Variants in PRPF18 observed in about 807,000 individuals in gnomAD.
The protein encoded by PRPF18 is pre-mRNA-splicing factor 18.
In PRPF18, 38 loss-of-function variants were observed where a neutral mutation model predicts 46.5. That is an observed-to-expected ratio of 0.82 (90% confidence interval 0.63 to 1.07). The LOEUF (loss-of-function observed/expected upper bound fraction) is 1.07. Ranked by LOEUF, PRPF18 falls within the 50% of genes least tolerant of loss-of-function variation. The pLI is 0.00. For missense variants in PRPF18, 263 were observed against 410.0 expected, an observed-to-expected ratio of 0.64 and a Z score of 3.10; for synonymous variants, 152 against 146.7, an observed-to-expected ratio of 1.04 and a Z score of -0.26.
At chr10:13,618,592 C>T (rs1045826012) in intron 9 of PRPF18, among the ~76,000 whole-genome samples, 4 of 118,558 alleles carry the variant, frequency 3.4e-5, no homozygotes, top group African/African-American at 9.8e-5. Flanking sequence ...CATCACTGCA[C>T]TTCAGACAGA....
chr10:13,644,483 A>G, the PRPF18 span: 1 of 152,188 alleles, frequency 6.6e-6, no homozygotes, highest in East Asian at 1.9e-4. Context: ...CCAGACTATC[A>G]TGATGTTTGT....
intron 1 of PRPF18, chr10:13,592,019 G>T (rs1354308695): frequency 1.6e-5 from 11 of 680,796 alleles, no homozygotes; most frequent in Non-Finnish European, 2.5e-5. Flanking sequence ...TAACCACCTG[G>T]GTACTACCAT....
intron 1 of PRPF18, among the ~76,000 whole-genome samples, chr10:13,595,416 C>G (rs2080019732): frequency 6.6e-6 from 1 of 151,916 alleles, no homozygotes; most frequent in South Asian, 2.1e-4. Context: ...ACAGCCCTTT[C>G]TGAGAGGATA....
chr10:13,611,881 CTTTT>C (rs376808326), intron 6 of PRPF18, among the ~76,000 whole-genome samples, 198 bp downstream of exon 6: 1 of 139,918 alleles, frequency 7.1e-6, no homozygotes, highest in Admixed American at 7.1e-5. Context: ...TTTCTTGTGG[CTTTT>C]TTTTTTTTTT....
intron 8 of PRPF18, among the ~76,000 whole-genome samples, chr10:13,615,803 G>A (rs920449764): frequency 6.6e-6 from 1 of 152,070 alleles, no homozygotes; most frequent in African/African-American, 2.4e-5. Flanking sequence ...GTAGGGGGTG[G>A]GGTGGGGGGC....
chr10:13,619,375 T>G (rs562799056), intron 9 of PRPF18, among the ~76,000 whole-genome samples: 1 of 152,352 alleles, frequency 6.6e-6, no homozygotes, highest in South Asian at 2.1e-4. Flanking sequence ...CACAAGAAGT[T>G]GCAAAAAATA....
At chr10:13,654,190 C>A in the PRPF18 span, 13 of 580,628 alleles carry the variant, frequency 2.2e-5, no homozygotes, top group African/African-American at 2.1e-4. Flanking sequence ...CAAGGACCAC[C>A]GCCTACTTTA....
At chr10:13,622,970 G>A (rs1033097499) in intron 9 of PRPF18, among the ~76,000 whole-genome samples, 7 of 152,002 alleles carry the variant, frequency 4.6e-5, no homozygotes, top group East Asian at 3.9e-4. Context: ...AGGCTGAGGC[G>A]GGCAGATCAT....
chr10:13,604,642 C>T (rs530127188), intron 3 of PRPF18, among the ~76,000 whole-genome samples: 21 of 152,276 alleles, frequency 1.4e-4, no homozygotes, highest in African/African-American at 4.1e-4. Context: ...CTGTCATTCC[C>T]TCCCATCTTA....
chr10:13,637,962 C>T, the PRPF18 span: 78 of 152,280 alleles, frequency 5.1e-4, no homozygotes, highest in African/African-American at 1.8e-3. Context: ...TAGTTACTTA[C>T]GCAATGTTCA....
chr10:13,593,588 T>A (rs949266896), intron 1 of PRPF18, among the ~76,000 whole-genome samples: 1 of 152,172 alleles, frequency 6.6e-6, no homozygotes, highest in South Asian at 2.1e-4. Context: ...AAATTATAAT[T>A]GTCAAGAGCC....
chr10:13,625,503 TAA>T (rs2080489497), intron 9 of PRPF18, among the ~76,000 whole-genome samples: 2 of 151,892 alleles, frequency 1.3e-5, no homozygotes, highest in African/African-American at 4.8e-5. Flanking sequence ...GGTAAGAAAA[TAA>T]GAGTCAATCT....
intron 9 of PRPF18, among the ~76,000 whole-genome samples, chr10:13,626,526 G>A (rs529281920): frequency 1.3e-5 from 2 of 152,304 alleles, no homozygotes; most frequent in South Asian, 4.1e-4. Context: ...GGGAGGATGT[G>A]GGAGAAAGTG....
At chr10:13,624,016 A>C (rs1172530186) in intron 9 of PRPF18, among the ~76,000 whole-genome samples, 1 of 152,208 alleles carries the variant, frequency 6.6e-6, no homozygotes, top group Non-Finnish European at 1.5e-5. Context: ...ACAGGGTCTC[A>C]TTCCGTCTCC....
the PRPF18 span, chr10:13,652,073 C>G: frequency 1.3e-6 from 1 of 767,772 alleles, no homozygotes; most frequent in African/African-American, 1.7e-5. Context: ...TTAATATATC[C>G]GAAAGGCTTG....
At chr10:13,588,732 T>G (rs1258031009) in intron 1 of PRPF18, among the ~76,000 whole-genome samples, 1 of 152,156 alleles carries the variant, frequency 6.6e-6, no homozygotes, top group Non-Finnish European at 1.5e-5. Context: ...GGAAAGGTAC[T>G]AAAAAGGGGG....
chr10:13,629,367 A>G (rs1380737395), intron 9 of PRPF18, among the ~76,000 whole-genome samples: 1 of 152,230 alleles, frequency 6.6e-6, no homozygotes, highest in African/African-American at 2.4e-5. Flanking sequence ...AAGTGGTTTT[A>G]TTGTGTAATA....
downstream of PRPF18, among the ~76,000 whole-genome samples, chr10:13,635,334 T>G (rs531208984): frequency 6.6e-6 from 1 of 152,334 alleles, no homozygotes; most frequent in East Asian, 1.9e-4. Context: ...TTTGCTATTG[T>G]GAATTGTGTC....
intron 9 of PRPF18, among the ~76,000 whole-genome samples, chr10:13,623,690 G>A (rs10466312): frequency 6.2e-5 from 3 of 48,554 alleles, no homozygotes; most frequent in Non-Finnish European, 1.5e-4. Context: ...TTGTGATTGT[G>A]GTTTGGTTTG....
Sources: allele counts gnomAD v4.1 joint callset (sites outside exome capture counted in the v4.1 genomes callset), GRCh38; gene constraint gnomAD v4.1.1; transcripts MANE v1.5; gene names NCBI Gene and HGNC (gene_info 2026-07-23, HGNC 2026-07-21).